The following SLC25A38 variants were observed in gnomAD, a reference collection of about 807,000 sequenced individuals.
The protein encoded by SLC25A38 is mitochondrial glycine transporter.
SLC25A38 carries 27 observed loss-of-function variants against 33.4 expected under a neutral mutation model. That is an observed-to-expected ratio of 0.81 (90% CI 0.60 to 1.11). The LOEUF (loss-of-function observed/expected upper bound fraction) is 1.11, where lower values mean the gene tolerates loss of function less well. Among genes scored for constraint, SLC25A38 ranks in the 50% most tolerant of loss-of-function variants. SLC25A38 has a pLI of 0.00. For missense variants in SLC25A38, 344 were observed against 388.8 expected (o/e 0.88, Z 0.97); for synonymous variants, 123 against 145.9 (o/e 0.84, Z 1.13).
chr3:39,389,652 C>T lies in SLC25A38; in HGVS notation c.191+36C>T. On this transcript the variant is annotated intron_variant, in intron 2 of 6. Coordinates refer to ENST00000650617, the MANE Select transcript of SLC25A38 (RefSeq NM_017875.4). The surrounding 1 kb of genome is among the most constrained non-coding windows in gnomAD (Gnocchi z 4.5). ...CATTTCATTGGGGAACTGATTTCAG[C>T]AACTTCTCAGACACAGGAACATCTT... 1.2e-6 allele frequency: 2 copies of T among 1,614,122 alleles called. No individual in the cohort carries two copies. Among genetic ancestry groups the T allele is most frequent in the Non-Finnish European group, 1.7e-6 (2 of 1,179,992 alleles).
At chr3:39,393,502 AT>A in intron 5 of SLC25A38, among the ~76,000 whole-genome samples, 1 of 152,088 alleles carries the variant, frequency 6.6e-6, no homozygotes, top group Admixed American at 6.5e-5. Flanking sequence ...AACCTAGATA[AT>A]TTTTTCTTTT....
At chr3:39,396,189 G>A (rs1333820793) in intron 6 of SLC25A38, among the ~76,000 whole-genome samples, 1 of 151,386 alleles carries the variant, frequency 6.6e-6, no homozygotes, top group African/African-American at 2.4e-5. Context: ...TAGCCTGGGC[G>A]ACAGAGCCAG....
intron 1 of SLC25A38, chr3:39,384,663 G>C (rs1306066769): frequency 2.5e-6 from 1 of 398,532 alleles, no homozygotes. Context: ...AGTAGGAATT[G>C]CTTGTGGATC....
rs769049098 is a variant in SLC25A38, at chr3:39,391,962, C to A, written c.566C>A (p.Ala189Glu). 1 of 1,614,166 alleles carries A rather than the reference C, an allele frequency of 6.2e-7. No individual in the cohort carries two copies. The highest frequency in any genetic ancestry group is 8.5e-7 in the Non-Finnish European group (1 of 1,180,036). ...CTGACAGCAACTCTCCTTCGAGATG[C>A]GCCCTTCTCAGGAATCTACCTGATG... ...SGLTATLLRD[A>E]PFSGIYLMFY... is the part of the protein sequence containing the mutation. The change falls in exon 5 of 7, where the codon GCG (alanine) becomes GAG (glutamate). Residue 189 changes from alanine (A) to glutamate (E), a missense_variant. Coordinates refer to ENST00000650617, the MANE Select transcript of SLC25A38 (RefSeq NM_017875.4).
intron 1 of SLC25A38, among the ~76,000 whole-genome samples, chr3:39,384,069 G>C (rs531866967): frequency 6.6e-6 from 1 of 152,212 alleles, no homozygotes; most frequent in Non-Finnish European, 1.5e-5. Flanking sequence ...GACGCGTGCC[G>C]GGGAGTGTGC....
chr3:39,393,470 T>C (rs190502110), intron 5 of SLC25A38, among the ~76,000 whole-genome samples: 2 of 152,276 alleles, frequency 1.3e-5, no homozygotes, highest in Admixed American at 1.3e-4. Context: ...CATATAACCA[T>C]CTTATGAAAT....
chr3:39,390,352 TG>T lies in SLC25A38; in HGVS notation c.192-67del, dbSNP rs2041748004. 2.7e-6 allele frequency: 4 copies of T among 1,465,988 alleles called. No homozygotes were observed. In the East Asian group the frequency reaches 9.1e-5, roughly 33 times the overall value. 90.8% of individuals were successfully genotyped at this position (1,465,988 alleles called of 1,614,324 possible). A position where few individuals can be genotyped will look rare whatever the true frequency, so the allele number is the denominator to read the frequency against. ...TGAGTCTATAAAGGAAGTGTTTGAG[TG>T]GGGAATTGTTTTATGAGGAAGTGAT... On this transcript the variant is annotated intron_variant, in intron 2 of 6. Coordinates refer to ENST00000650617, the MANE Select transcript of SLC25A38 (RefSeq NM_017875.4).
At position 39,389,614 on chromosome 3, in the gene SLC25A38, T is replaced by C; in HGVS notation, c.189T>C (p.His63=). The change falls in exon 2 of 7, where the codon CAT becomes CAC. Residue 63 remains histidine, a splice_region_variant and synonymous_variant. Transcript: ENST00000650617. The surrounding 1 kb of genome is among the most constrained non-coding windows in gnomAD (Gnocchi z 4.5). ...TRLQTLQPSD[H]GSRRVGMLAV... ...TGCAAACCCTCCAGCCCTCAGATCA[T>C]GGGTAGGCCCTGCATTTCATTGGGG... The C allele has an allele frequency of 6.2e-7, 1 of 1,614,188 alleles. No homozygotes were observed. Among genetic ancestry groups the C allele is most frequent in the Non-Finnish European group, 8.5e-7 (1 of 1,180,024 alleles).
chr3:39,394,723 A>G, intron 6 of SLC25A38, 147 bp downstream of exon 6: 2 of 911,938 alleles, frequency 2.2e-6, no homozygotes, highest in Non-Finnish European at 3.3e-6. Context: ...CAACTATATC[A>G]GAATGTCTAG....
At chr3:39,394,618 G>A (rs1382092328) in intron 6 of SLC25A38, 42 bp downstream of exon 6, 1 of 1,611,140 alleles carries the variant, frequency 6.2e-7, no homozygotes, top group East Asian at 2.2e-5. Flanking sequence ...GGTGTTTAAG[G>A]ATCTCTTTCT....
At chr3:39,388,010 T>G (rs2041723568) in intron 1 of SLC25A38, 1 of 152,118 alleles carries the variant, frequency 6.6e-6, no homozygotes, top group African/African-American at 2.4e-5. Context: ...CAAGTGGAGA[T>G]GGTGTAGCGT....
rs765190993 is a variant in SLC25A38 at position 39,389,507 on chromosome 3, A to G, written c.82A>G (p.Ile28Val). 13 of 1,614,090 alleles carry G rather than the reference A, an allele frequency of 8.1e-6. No individual in the cohort carries two copies. The Admixed American group carries it at 1.7e-4, about 21-fold the overall frequency. Residue 28 changes from isoleucine (I) to valine (V), a missense_variant, in exon 2 of 7, where the codon ATC becomes GTC. By Grantham distance (29) the Ile-to-Val change is conservative. Coordinates refer to ENST00000650617, the MANE Select transcript of SLC25A38 (RefSeq NM_017875.4). The surrounding 1 kb of genome is among the most constrained non-coding windows in gnomAD (Gnocchi z 4.5). The stretch of plus-strand genomic sequence containing the variant: ...TCTTATCCTGCAGTTACATCCGGTG[A>G]TCAAGGCTTTCCTGTGTGGCTCCAT... ...TVETLMLHPV[I>V]KAFLCGSISG... is the part of the protein sequence containing the mutation.
chr3:39,392,262 T>A (rs13081742), intron 5 of SLC25A38, among the ~76,000 whole-genome samples: 6 of 82,380 alleles, frequency 7.3e-5, no homozygotes, highest in Non-Finnish European at 1.1e-4. Flanking sequence ...GGGGTGAGGA[T>A]AGGGTGGGTG....
At chr3:39,385,754 T>C (rs1575241765) in intron 1 of SLC25A38, among the ~76,000 whole-genome samples, 1 of 151,948 alleles carries the variant, frequency 6.6e-6, no homozygotes, top group Non-Finnish European at 1.5e-5. Flanking sequence ...CAGGCAGGAG[T>C]TGTGACTATT....
rs1253361121 is a variant in SLC25A38 at position 39,390,445 on chromosome 3, G to T, written c.214G>T (p.Ala72Ser). The stretch of plus-strand genomic sequence containing the variant: ...CAGGTCTAGACGTGTTGGGATGTTG[G>T]CTGTACTCTTGAAGGTGGTTCGCAC... Reference protein sequence around the residue: ...DHGSRRVGMLAVLLKVVRTES... With the variant: ...DHGSRRVGMLSVLLKVVRTES... The change falls in exon 3 of 7, where the codon GCT (alanine) becomes TCT (serine). Residue 72 changes from alanine (A) to serine (S), a missense_variant. Around this residue, in one of 2 missense-constraint regions of SLC25A38, gnomAD observed 269 missense variants for 271.8 expected, o/e 0.99. Coordinates refer to ENST00000650617, the MANE Select transcript of SLC25A38 (RefSeq NM_017875.4). 6.2e-7 allele frequency: 1 copy of T among 1,614,172 alleles called. No individual in the cohort carries two copies. Among genetic ancestry groups the T allele is most frequent in the Admixed American group, 1.7e-5 (1 of 60,020 alleles).
chr3:39,394,040 G>C (rs892259708), intron 5 of SLC25A38, among the ~76,000 whole-genome samples: 2 of 152,128 alleles, frequency 1.3e-5, no homozygotes, highest in Admixed American at 1.3e-4. Context: ...TTTATCACTT[G>C]GATAAGATAC....
At chr3:39,384,718 G>T in intron 1 of SLC25A38, 1 of 397,436 alleles carries the variant, frequency 2.5e-6, no homozygotes, top group Non-Finnish European at 4.4e-6. Flanking sequence ...GCGTATTATT[G>T]TTTATGCCCT....
At position 39,389,311 on chromosome 3, in the gene SLC25A38, A is replaced by T; in HGVS notation, c.70-184A>T. 2.2e-6 allele frequency: 2 copies of T among 897,374 alleles called. No homozygotes were observed. Among genetic ancestry groups the T allele is most frequent in the Non-Finnish European group, 3.6e-6 (2 of 558,436 alleles). The allele number at this position is 897,374 out of a possible 1,614,324, so 55.6% of individuals were successfully genotyped here. A position where few individuals can be genotyped will look rare whatever the true frequency, so the allele number is the denominator to read the frequency against. ...ACCTCTTGCAGCATCCAATGTCCTCAATAACATTGCAGTATTTTTAATTTC... is the reference window on the plus strand; with the variant it reads ...ACCTCTTGCAGCATCCAATGTCCTCTATAACATTGCAGTATTTTTAATTTC... On this transcript the variant is annotated intron_variant, in intron 1 of 6. Coordinates refer to ENST00000650617, the MANE Select transcript of SLC25A38 (RefSeq NM_017875.4). This position sits in a 1 kb window ranked among gnomAD's most constrained non-coding sequence, Gnocchi z 4.5.
chr3:39,391,480 G>A lies in SLC25A38; in HGVS notation c.316G>A (p.Gly106Ser), dbSNP rs2041765890. Residue 106 changes from glycine (G) to serine (S), a missense_variant, in exon 4 of 7, where the codon GGC becomes AGC. Transcript: ENST00000650617. ...RCVPGVGIYF[G>S]TLYSLKQYFL... ...TGTCCCTGGCGTTGGAATCTACTTT[G>A]GCACTCTCTACTCTTTGAAGCAGTA... 1 of 1,613,944 alleles carries A rather than the reference G, an allele frequency of 6.2e-7. No homozygotes were observed. Among genetic ancestry groups the A allele is most frequent in the African/African-American group, 1.3e-5 (1 of 74,896 alleles).
Sources: allele counts gnomAD v4.1 joint callset (sites outside exome capture counted in the v4.1 genomes callset), GRCh38; gene constraint gnomAD v4.1.1; regional missense constraint gnomAD v4.1.1; non-coding constraint Gnocchi (gnomAD v3.1); transcripts MANE v1.5; gene names NCBI Gene and HGNC (gene_info 2026-07-23, HGNC 2026-07-21).